Variants in TULP3 observed in about 807,000 individuals in gnomAD.
The protein encoded by TULP3 is TUB like protein 3.
A neutral mutation model predicts 50.7 loss-of-function variants in TULP3; 38 were observed. The ratio of observed to expected loss-of-function variants is 0.75; its 90% CI spans 0.58 to 0.98. The LOEUF is 0.98. Among genes scored for constraint, TULP3 ranks in the 50% least tolerant of loss-of-function variants. The pLI, the probability that TULP3 is intolerant of heterozygous loss-of-function variation, is 0.00. For missense variants in TULP3, 550 were observed against 568.0 expected (o/e 0.97, Z 0.32); for synonymous variants, 183 against 196.6 (o/e 0.93, Z 0.58).
intron 1 of TULP3, among the ~76,000 whole-genome samples, chr12:2,897,552 C>T (rs1017172575): frequency 6.6e-6 from 1 of 152,026 alleles, no homozygotes; most frequent in Non-Finnish European, 1.5e-5. Flanking sequence ...AAGGAGATCA[C>T]TTGAGGCCAG....
intron 2 of TULP3, among the ~76,000 whole-genome samples, chr12:2,910,478 A>G (rs2098184834): frequency 6.6e-6 from 1 of 152,194 alleles, no homozygotes; most frequent in Non-Finnish European, 1.5e-5. Context: ...GGAAGGACTA[A>G]ATGAACGGTT....
Position 2,937,729 on chromosome 12 carries a change from CGTGA to C in TULP3, c.1023+3_1023+6del, listed in dbSNP as rs1565509866. 1 of 1,607,330 alleles carries C rather than the reference CGTGA, an allele frequency of 6.2e-7. No homozygotes were observed. The highest frequency in any genetic ancestry group is 2.2e-5 in the East Asian group (1 of 44,750). On this transcript the variant is annotated splice_donor_variant and splice_donor_region_variant and intron_variant, in intron 9 of 10. Coordinates refer to ENST00000448120, the MANE Select transcript of TULP3 (RefSeq NM_003324.5). LOFTEE classifies it high-confidence loss of function. ...AGCAGATCCCCTATCAGCCACAAAA[CGTGA>C]GTAAGAATGTATTTAAATCAGTGAA... is the stretch of plus-strand genomic sequence containing the variant.
intron 1 of TULP3, among the ~76,000 whole-genome samples, chr12:2,899,493 T>A (rs1390846022): frequency 6.6e-6 from 1 of 152,210 alleles, no homozygotes; most frequent in South Asian, 2.1e-4. Flanking sequence ...GTCATAGTTA[T>A]TCATACTGTG....
chr12:2,937,797 T>TAA, intron 9 of TULP3, 68 bp downstream of exon 9: 18 of 928,058 alleles, frequency 1.9e-5, no homozygotes, highest in African/African-American at 4.1e-5. Flanking sequence ...CAGAGATTAA[T>TAA]ACAAAAAAAA....
At position 2,939,846 on chromosome 12, in the gene TULP3, T is replaced by G. The variant is rs2098203678; in HGVS notation, c.*402T>G. 8.4e-7 allele frequency: 1 copy of G among 1,194,692 alleles called. No homozygotes were observed. Among genetic ancestry groups the G allele is most frequent in the Non-Finnish European group, 1.1e-6 (1 of 944,204 alleles). 74.0% of individuals were successfully genotyped at this position (1,194,692 alleles called of 1,614,324 possible). A position where few individuals can be genotyped will look rare whatever the true frequency, so the allele number is the denominator to read the frequency against. On this transcript the variant is annotated 3_prime_UTR_variant, in exon 11 of 11. Coordinates refer to ENST00000448120, the MANE Select transcript of TULP3 (RefSeq NM_003324.5). The surrounding 1 kb of genome is among the most constrained non-coding windows in gnomAD (Gnocchi z 4.0). ...CGCACTCTCACTCCTTTTCCAGGTT[T>G]CATAGACTTGGTGAGGGATCACAGC...
At chr12:2,933,627 G>C (rs1309922482) in intron 7 of TULP3, 97 bp downstream of exon 7, 1 of 592,752 alleles carries the variant, frequency 1.7e-6, no homozygotes, top group Non-Finnish European at 2.8e-6. Context: ...AGCATGTATT[G>C]ATGTTGTAAT....
chr12:2,891,962 T>C (rs1371164272), intron 1 of TULP3, among the ~76,000 whole-genome samples: 1 of 152,026 alleles, frequency 6.6e-6, no homozygotes, highest in African/African-American at 2.4e-5. Flanking sequence ...GGTGCGCGCC[T>C]GTAGTTCCAG....
intron 1 of TULP3, among the ~76,000 whole-genome samples, chr12:2,893,342 T>C (rs1356894760): frequency 3.3e-5 from 5 of 151,338 alleles, no homozygotes; most frequent in Non-Finnish European, 5.9e-5. Flanking sequence ...TTTTTTTTTT[T>C]TTCCAAACGG....
At chr12:2,915,044 A>G (rs371770650) in intron 2 of TULP3, among the ~76,000 whole-genome samples, 91 of 152,034 alleles carry the variant, frequency 6.0e-4, no homozygotes, top group Middle Eastern at 6.8e-3. Flanking sequence ...GCTGGAGTGT[A>G]GTGGCATGAT....
chr12:2,908,253 C>T (rs973384595), intron 1 of TULP3, among the ~76,000 whole-genome samples: 1 of 152,124 alleles, frequency 6.6e-6, no homozygotes, highest in Non-Finnish European at 1.5e-5. Flanking sequence ...TTAAATAGCA[C>T]CTTGTAGTTC....
At chr12:2,896,486 A>G (rs1303542718) in intron 1 of TULP3, among the ~76,000 whole-genome samples, 2 of 152,208 alleles carry the variant, frequency 1.3e-5, no homozygotes, top group Non-Finnish European at 2.9e-5. Context: ...TAACACATTC[A>G]GGTAGATTGG....
intron 2 of TULP3, among the ~76,000 whole-genome samples, chr12:2,918,973 A>T (rs963988021): frequency 6.7e-6 from 1 of 150,174 alleles, no homozygotes; most frequent in Non-Finnish European, 1.5e-5. Flanking sequence ...GCTCACCACA[A>T]CCTCTACCTC....
intron 6 of TULP3, 97 bp from the exon 7 acceptor site, chr12:2,933,321 C>A: frequency 1.4e-6 from 1 of 732,746 alleles, no homozygotes; most frequent in South Asian, 1.6e-5. Flanking sequence ...TGAGGACTTG[C>A]TAAGCACTGG....
chr12:2,929,187 C>G lies in TULP3; in HGVS notation c.395-1061C>G, dbSNP rs775679690. 1.9e-3 allele frequency among the ~76,000 whole-genome samples: 294 copies of G among 151,930 alleles called. 1 individual carries two copies. Among genetic ancestry groups the G allele is most frequent in the African/African-American group, 6.8e-3 (280 of 41,462 alleles). On this transcript the variant is annotated intron_variant, in intron 4 of 10. Transcript: ENST00000448120. ...CAAAAATTAGCCGGGCATGGTGGCG[C>G]GCGCCTGTAGTCCCAGCTACTTGGG...
intron 4 of TULP3, among the ~76,000 whole-genome samples, chr12:2,926,800 G>A (rs2098194952): frequency 2.0e-5 from 3 of 152,080 alleles, no homozygotes; most frequent in Admixed American, 6.6e-5. Context: ...CCAGCTACTC[G>A]GGAGGCTGAG....
chr12:2,891,087 A>T, intron 1 of TULP3, 99 bp downstream of exon 1: 1 of 1,349,874 alleles, frequency 7.4e-7, no homozygotes. Context: ...AGAGGGCGGG[A>T]CTCGGGACTT....
Position 2,920,893 on chromosome 12 carries a change from A to T in TULP3, c.224A>T (p.His75Leu). 6.2e-7 allele frequency: 1 copy of T among 1,614,174 alleles called. No individual in the cohort carries two copies. Among genetic ancestry groups the T allele is most frequent in the Non-Finnish European group, 8.5e-7 (1 of 1,180,030 alleles). The change falls in exon 3 of 11, where the codon CAT (histidine) becomes CTT (leucine). Residue 75 changes from histidine (H) to leucine (L), a missense_variant. Physicochemically the swap from His to Leu is moderately conservative, Grantham distance 99. Transcript: ENST00000448120. ...GAGCAGACTCCCTTGGTGAACTGTC[A>T]TACTCCCCACAGCAATGTCATCTTA... is the stretch of plus-strand genomic sequence containing the variant. Reference protein sequence around the residue: ...SDEQTPLVNCHTPHSNVILHG... With the variant: ...SDEQTPLVNCLTPHSNVILHG...
At chr12:2,894,449 C>A (rs373648612) in intron 1 of TULP3, among the ~76,000 whole-genome samples, 1 of 151,830 alleles carries the variant, frequency 6.6e-6, no homozygotes, top group African/African-American at 2.4e-5. Context: ...GCAGGAGAAT[C>A]GCTTGAACCA....
chr12:2,925,547 T>A (rs1046892918), intron 4 of TULP3, among the ~76,000 whole-genome samples: 2 of 152,170 alleles, frequency 1.3e-5, no homozygotes, highest in Admixed American at 1.3e-4. Flanking sequence ...CCATCATGTG[T>A]CAGGCACTTG....
Sources: gnomAD v4.1 joint callset for allele counts (sites outside exome capture counted in the v4.1 genomes callset) on GRCh38, gnomAD v4.1.1 for gene constraint, Gnocchi (gnomAD v3.1) non-coding constraint, MANE v1.5 for transcripts, NCBI Gene and HGNC (gene_info 2026-07-23, HGNC 2026-07-21) for gene names.